Variants in GRID2 observed in about 807,000 individuals in gnomAD.
GRID2 encodes the protein glutamate receptor ionotropic, delta-2.
In GRID2, 33 loss-of-function variants were observed where a neutral mutation model predicts 114.8. That is an observed-to-expected ratio of 0.29 (90% CI 0.22 to 0.38). The LOEUF (loss-of-function observed/expected upper bound fraction) is 0.38. Ranked by LOEUF, GRID2 falls within the 10% of genes least tolerant of loss-of-function variation. The probability of loss-of-function intolerance (pLI) is 1.00; values close to 1 mark genes in which losing one functional copy is unlikely to be tolerated. For missense variants in GRID2, 1,184 were observed against 1,257.7 expected, an observed-to-expected ratio of 0.94 and a Z score of 0.89; for synonymous variants, 505 against 449.9, an observed-to-expected ratio of 1.12 and a Z score of -1.55.
At chr4:93,696,233 A>T (rs1236359336) in intron 14 of GRID2, among the ~76,000 whole-genome samples, 1 of 151,978 alleles carries the variant, frequency 6.6e-6, no homozygotes, top group Non-Finnish European at 1.5e-5. Flanking sequence ...TCCACACTTG[A>T]CCTTCTTGAT....
intron 14 of GRID2, among the ~76,000 whole-genome samples, chr4:93,717,695 C>T (rs919600242): frequency 3.9e-5 from 6 of 151,926 alleles, no homozygotes; most frequent in Non-Finnish European, 1.5e-5. Flanking sequence ...TTTTCTTTTC[C>T]TTATTCTAAT....
chr4:92,819,106 CAGCATG>C (rs368063922), intron 2 of GRID2, among the ~76,000 whole-genome samples: 7 of 152,146 alleles, frequency 4.6e-5, no homozygotes, highest in African/African-American at 1.4e-4. Flanking sequence ...ACTTTACTCC[CAGCATG>C]AGCATGAGCA....
intron 13 of GRID2, among the ~76,000 whole-genome samples, chr4:93,525,129 C>A (rs1730756818): frequency 6.6e-6 from 1 of 151,802 alleles, no homozygotes; most frequent in Admixed American, 6.6e-5. Context: ...AGCAGGTACC[C>A]CACAGAGATT....
At chr4:92,705,567 A>C (rs901608974) in intron 2 of GRID2, among the ~76,000 whole-genome samples, 1 of 152,226 alleles carries the variant, frequency 6.6e-6, no homozygotes, top group Admixed American at 6.5e-5. Flanking sequence ...GAATGTTAGA[A>C]ATAAAAAGAA....
chr4:92,524,514 C>T (rs368674352), intron 1 of GRID2, among the ~76,000 whole-genome samples: 1 of 149,094 alleles, frequency 6.7e-6, no homozygotes, highest in African/African-American at 2.5e-5. Flanking sequence ...GAGCCTTCCT[C>T]ACACCACAAT....
intron 12 of GRID2, among the ~76,000 whole-genome samples, chr4:93,503,000 T>C (rs766296252): frequency 3.3e-5 from 5 of 152,066 alleles, no homozygotes; most frequent in Non-Finnish European, 5.9e-5. Context: ...GCATTTATAA[T>C]CTCAAAATAG....
At chr4:93,457,580 A>C (rs1723321514) in intron 11 of GRID2, among the ~76,000 whole-genome samples, 1 of 152,302 alleles carries the variant, frequency 6.6e-6, no homozygotes, top group East Asian at 1.9e-4. Context: ...AAAGTCAGAC[A>C]AATTAGAAGA....
intron 14 of GRID2, among the ~76,000 whole-genome samples, chr4:93,762,919 T>C (rs566806678): frequency 6.6e-6 from 1 of 152,184 alleles, no homozygotes; most frequent in African/African-American, 2.4e-5. Context: ...CATCAGGGGC[T>C]GGATAAAGAA....
chr4:92,554,228 A>G (rs1434057738), intron 1 of GRID2, among the ~76,000 whole-genome samples: 1 of 152,202 alleles, frequency 6.6e-6, no homozygotes. Flanking sequence ...ACGTATACAC[A>G]TGCTGTGTTC....
intron 4 of GRID2, among the ~76,000 whole-genome samples, chr4:93,162,935 A>AC (rs1026067178): frequency 2.6e-5 from 4 of 151,982 alleles, no homozygotes; most frequent in Admixed American, 6.6e-5. Flanking sequence ...ATGCTGGCCC[A>AC]CACAGGAATA....
At chr4:93,281,988 G>T (rs1240392853) in intron 8 of GRID2, among the ~76,000 whole-genome samples, 1 of 151,996 alleles carries the variant, frequency 6.6e-6, no homozygotes, top group East Asian at 1.9e-4. Context: ...TACAGTTAAA[G>T]TTGAATAATA....
At chr4:92,719,558 A>G (rs1022729874) in intron 2 of GRID2, among the ~76,000 whole-genome samples, 1 of 152,190 alleles carries the variant, frequency 6.6e-6, no homozygotes, top group Non-Finnish European at 1.5e-5. Flanking sequence ...TCAAAAGAAC[A>G]GAAAGTTGAC....
chr4:92,308,341 T>C (rs1725520264), intron 1 of GRID2, among the ~76,000 whole-genome samples: 2 of 152,194 alleles, frequency 1.3e-5, no homozygotes, highest in African/African-American at 4.8e-5. Context: ...TATACATCTC[T>C]ACAAGGGAAC....
chr4:92,955,371 G>A (rs1378838874), intron 2 of GRID2, among the ~76,000 whole-genome samples: 1 of 152,172 alleles, frequency 6.6e-6, no homozygotes, highest in African/African-American at 2.4e-5. Flanking sequence ...GGCCAGTGAT[G>A]ATGAGCATTT....
At chr4:93,357,493 C>G (rs1001393130) in intron 8 of GRID2, among the ~76,000 whole-genome samples, 1 of 151,126 alleles carries the variant, frequency 6.6e-6, no homozygotes, top group African/African-American at 2.4e-5. Flanking sequence ...TTTATGTTAT[C>G]AAACTATTAA....
intron 1 of GRID2, among the ~76,000 whole-genome samples, chr4:92,548,585 G>T (rs559521716): frequency 6.6e-6 from 1 of 151,048 alleles, no homozygotes; most frequent in East Asian, 2.0e-4. Context: ...GTAGAGATGG[G>T]TTTTCACCAT....
chr4:93,574,991 CTAG>C, intron 13 of GRID2, among the ~76,000 whole-genome samples: 1 of 152,132 alleles, frequency 6.6e-6, no homozygotes, highest in Non-Finnish European at 1.5e-5. Context: ...ATAACTGATT[CTAG>C]CTGGGCATCT....
At chr4:93,755,455 AT>A (rs1168721481) in intron 14 of GRID2, among the ~76,000 whole-genome samples, 4 of 152,122 alleles carry the variant, frequency 2.6e-5, no homozygotes, top group African/African-American at 9.7e-5. Flanking sequence ...ATAAATAACT[AT>A]TTATGTCAGA....
At chr4:92,541,808 C>T in intron 1 of GRID2, among the ~76,000 whole-genome samples, 1 of 152,068 alleles carries the variant, frequency 6.6e-6, no homozygotes, top group African/African-American at 2.4e-5. Flanking sequence ...TCTTAATTTA[C>T]TGTTAGAGAA....
Sources: allele counts gnomAD v4.1 joint callset (sites outside exome capture counted in the v4.1 genomes callset), GRCh38; gene constraint gnomAD v4.1.1; transcripts MANE v1.5; gene names NCBI Gene and HGNC (gene_info 2026-07-23, HGNC 2026-07-21).